The following OGFR variants were observed in gnomAD, a reference collection of about 807,000 sequenced individuals.
OGFR encodes the protein protein 7-60.
OGFR carries 18 observed loss-of-function variants against 33.6 expected under a neutral mutation model. The ratio of observed to expected loss-of-function variants is 0.54; its 90% CI spans 0.37 to 0.80. The LOEUF is 0.80. Ranked by LOEUF, OGFR falls within the 30% of genes least tolerant of loss-of-function variation. The pLI is 0.00. For synonymous variants in OGFR, 370 were observed against 400.7 expected (o/e 0.92, Z 0.91); for missense variants, 877 against 955.8 (o/e 0.92, Z 1.09).
rs1990637767 is a variant in OGFR, at chr20:62,808,089, C to T, written c.241-158C>T. On this transcript the variant is annotated intron_variant, in intron 2 of 6. Transcript: ENST00000290291. ...GGGGCTTGGAGGCAGCTGCTGTCCT[C>T]TGAATGGCCCCCACCTGCAGAGTGA... is the stretch of plus-strand genomic sequence containing the variant. 4.2e-6 allele frequency: 3 copies of T among 716,124 alleles called. No individual in the cohort carries two copies. The Admixed American group carries it at 6.0e-5, about 14-fold the overall frequency. The allele number at this position is 716,124 out of a possible 1,614,324, so 44.4% of individuals were successfully genotyped here.
chr20:62,805,004 C>T lies in OGFR; in HGVS notation c.145C>T (p.Arg49Trp). The T allele has an allele frequency of 6.9e-7, 1 of 1,458,620 alleles. No homozygotes were observed. The highest frequency in any genetic ancestry group is 1.3e-5 in the South Asian group (1 of 74,192). 90.4% of individuals were successfully genotyped at this position (1,458,620 alleles called of 1,614,324 possible). The stretch of plus-strand genomic sequence containing the variant: ...CGAGGACGAGGAGTCGGAGGAGCCG[C>T]GGGCGGCGCGGCCCAGCTCGTTCCA... ...GDEDEESEEP[R>W]AARPSSFQSR... Residue 49 changes from arginine (R) to tryptophan (W), a missense_variant, in exon 1 of 7, where the codon CGG becomes TGG. This residue lies in a region of OGFR where 760 missense variants were observed against 736.0 expected (regional missense o/e 1.03). Transcript: ENST00000290291.
intron 1 of OGFR, chr20:62,806,529 G>C (rs563256840): frequency 6.6e-6 from 1 of 151,582 alleles, no homozygotes; most frequent in East Asian, 1.9e-4. Flanking sequence ...AGTGGAGATT[G>C]CCTGGGAGGT....
At position 62,812,601 on chromosome 20, in the gene OGFR, C is replaced by G. The variant is rs779474692; in HGVS notation, c.986C>G (p.Thr329Ser). Residue 329 changes from threonine to serine, a missense_variant, in exon 7 of 7, where the codon ACC becomes AGC. Transcript: ENST00000290291. ...CACGAGGCCAGCACCCAGGGTCGGA[C>G]CTGTGGGCCAGAGCATAGCAAGGGT... Reference protein sequence around the residue: ...PDHEASTQGRTCGPEHSKGGG... With the variant: ...PDHEASTQGRSCGPEHSKGGG... 6.4e-7 allele frequency: 1 copy of G among 1,566,160 alleles called. No individual in the cohort carries two copies. The highest frequency in any genetic ancestry group is 1.2e-5 in the South Asian group (1 of 85,748).
chr20:62,808,392 C>A, intron 3 of OGFR, 67 bp downstream of exon 3: 1 of 1,243,066 alleles, frequency 8.0e-7, no homozygotes, highest in Non-Finnish European at 1.2e-6. Flanking sequence ...GTCCACTGGG[C>A]CCTGGTTTGG....
intron 1 of OGFR, 114 bp downstream of exon 1, chr20:62,805,144 C>A: frequency 1.2e-6 from 1 of 822,954 alleles, no homozygotes; most frequent in Non-Finnish European, 1.6e-6. Flanking sequence ...CTGGAGCTCC[C>A]GCAGCCCCGG....
intron 4 of OGFR, among the ~76,000 whole-genome samples, chr20:62,810,105 C>T (rs1990689946): frequency 1.3e-5 from 2 of 152,168 alleles, no homozygotes; most frequent in Admixed American, 6.5e-5. Context: ...GCATGCCCTG[C>T]TTTGGGGACA....
In OGFR at chr20:62,808,239, C is replaced by G; in HGVS notation, c.241-8C>G. ...GATCCCTGCTGTCCCCTTTCTCTGG[C>G]TCTTCAGGATCTGGTGGAACGAGAC... On this transcript the variant is annotated splice_region_variant and splice_polypyrimidine_tract_variant and intron_variant, in intron 2 of 6. Coordinates refer to ENST00000290291, the MANE Select transcript of OGFR (RefSeq NM_007346.4). The G allele has an allele frequency of 6.2e-7, 1 of 1,610,200 alleles. No homozygotes were observed. The highest frequency in any genetic ancestry group is 8.5e-7 in the Non-Finnish European group (1 of 1,176,952).
chr20:62,812,907 T>C lies in OGFR; in HGVS notation c.1292T>C (p.Val431Ala). 6.2e-7 allele frequency: 1 copy of C among 1,612,220 alleles called. No homozygotes were observed. The highest frequency in any genetic ancestry group is 8.5e-7 in the Non-Finnish European group (1 of 1,179,840). Residue 431 changes from valine to alanine, a missense_variant, in exon 7 of 7, where the codon GTG becomes GCG. By Grantham distance (64) the Val-to-Ala change is moderately conservative. Around this residue, in one of 3 missense-constraint regions of OGFR, gnomAD observed 760 missense variants for 736.0 expected, o/e 1.03. Transcript: ENST00000290291. ...AGCCTCAGGACGGGGACCCAGGAAG[T>C]GGGCGGTCAGGACCCTGGGGAGGCA... Reference protein sequence around the residue: ...QGSLRTGTQEVGGQDPGEAVQ... With the variant: ...QGSLRTGTQEAGGQDPGEAVQ...
chr20:62,804,891 A>AGGAGGACGAGGAGGATGCGGAGGACGC lies in OGFR; in HGVS notation c.45_71dup (p.Glu15_Glu23dup). On this transcript the variant is annotated inframe_insertion, in exon 1 of 7. Coordinates refer to ENST00000290291, the MANE Select transcript of OGFR (RefSeq NM_007346.4). Reference sequence around the variant, plus strand: ...GACCCCGACTGCGACTCCACCTGGGAGGAGGACGAGGAGGATGCGGAGGAC... The same window carrying AGGAGGACGAGGAGGATGCGGAGGACGC: ...GACCCCGACTGCGACTCCACCTGGGAGGAGGACGAGGAGGATGCGGAGGACGCGGAGGACGAGGAGGATGCGGAGGAC... 2 of 1,479,014 alleles carry AGGAGGACGAGGAGGATGCGGAGGACGC rather than the reference A, an allele frequency of 1.4e-6. No individual in the cohort carries two copies. The highest frequency in any genetic ancestry group is 1.3e-5 in the South Asian group (1 of 78,834). The allele number at this position is 1,479,014 out of a possible 1,614,324, so 91.6% of individuals were successfully genotyped here. A position where few individuals can be genotyped will look rare whatever the true frequency, so the allele number is the denominator to read the frequency against.
chr20:62,812,549 G>A lies in OGFR; in HGVS notation c.934G>A (p.Glu312Lys), dbSNP rs775000313. ...HPLEGSRKVE[E>K]EGSPGDPDHE... is the part of the protein sequence containing the mutation. ...GCTCGAGGGCTCCAGGAAGGTGGAG[G>A]AGGAAGGAAGCCCCGGGGACCCCGA... Residue 312 changes from glutamate to lysine, a missense_variant, in exon 7 of 7, where the codon GAG becomes AAG. Physicochemically the swap from Glu to Lys is moderately conservative, Grantham distance 56. This residue lies in a region of OGFR where 760 missense variants were observed against 736.0 expected (regional missense o/e 1.03). Transcript: ENST00000290291. The A allele has an allele frequency of 8.8e-6, 14 of 1,584,932 alleles. No individual in the cohort carries two copies. Among genetic ancestry groups the A allele is most frequent in the East Asian group, 6.9e-5 (3 of 43,508 alleles).
At chr20:62,810,173 C>T (rs1023984239) in intron 4 of OGFR, among the ~76,000 whole-genome samples, 2 of 146,142 alleles carry the variant, frequency 1.4e-5, no homozygotes, top group Admixed American at 1.3e-4. Flanking sequence ...TGAGTGACAA[C>T]ACAAGAGAGG....
In OGFR at chr20:62,809,632, C is replaced by T. The variant is rs201900354; in HGVS notation, c.367C>T (p.Leu123Phe). 9 of 1,611,282 alleles carry T rather than the reference C, an allele frequency of 5.6e-6. No homozygotes were observed. The highest frequency in any genetic ancestry group is 2.2e-5 in the South Asian group (2 of 91,064). The change falls in exon 4 of 7, where the codon CTC becomes TTC. Residue 123 changes from leucine (L) to phenylalanine (F), a missense_variant. This residue lies in a region of OGFR where 760 missense variants were observed against 736.0 expected (regional missense o/e 1.03). Coordinates refer to ENST00000290291, the MANE Select transcript of OGFR (RefSeq NM_007346.4). The stretch of plus-strand genomic sequence containing the variant: ...TCAGAACTGGACGGACAACTATGAC[C>T]TCCTTGAGGACAATCACTCCTACAT... ...ILQNWTDNYD[L>F]LEDNHSYIQW...
chr20:62,808,003 G>A (rs1404146992), intron 2 of OGFR: 4 of 611,212 alleles, frequency 6.5e-6, no homozygotes, highest in Non-Finnish European at 8.8e-6. Flanking sequence ...TGCCTTCAGG[G>A]TGCTGAGGAG....
chr20:62,807,496 G>T, intron 1 of OGFR, 41 bp from the exon 2 acceptor site: 3 of 1,589,756 alleles, frequency 1.9e-6, no homozygotes, highest in Non-Finnish European at 2.6e-6. Context: ...TCACTTGGGG[G>T]TCTCCCATGG....
Position 62,804,981 on chromosome 20 carries a change from A to C in OGFR, c.122A>C (p.Glu41Ala). The C allele has an allele frequency of 6.7e-7, 1 of 1,483,130 alleles. No individual in the cohort carries two copies. Among genetic ancestry groups the C allele is most frequent in the South Asian group, 1.3e-5 (1 of 78,176 alleles). 91.9% of individuals were successfully genotyped at this position (1,483,130 alleles called of 1,614,324 possible). A position where few individuals can be genotyped will look rare whatever the true frequency, so the allele number is the denominator to read the frequency against. Residue 41 changes from glutamate (E) to alanine (A), a missense_variant, in exon 1 of 7, where the codon GAG becomes GCG. By Grantham distance (107) the Glu-to-Ala change is moderately radical. Transcript: ENST00000290291. The stretch of plus-strand genomic sequence containing the variant: ...GCGAGGGACGCGGACGCAGGGGACG[A>C]GGACGAGGAGTCGGAGGAGCCGCGG... The part of the protein sequence containing the change: ...AGARDADAGD[E>A]DEESEEPRAA...
In OGFR at chr20:62,811,710, C is replaced by T. The variant is rs1470539509; in HGVS notation, c.614+100C>T. 5.2e-6 allele frequency: 7 copies of T among 1,355,192 alleles called. No individual in the cohort carries two copies. The African/African-American group carries it at 7.3e-5, about 14-fold the overall frequency. 83.9% of individuals were successfully genotyped at this position (1,355,192 alleles called of 1,614,324 possible). Reference sequence around the variant, plus strand: ...GAGCGCTGCTGCAGACGGAGAACTCCAGGGCTGTTTGGGCAATGGACCAAG... The same window carrying T: ...GAGCGCTGCTGCAGACGGAGAACTCTAGGGCTGTTTGGGCAATGGACCAAG... On this transcript the variant is annotated intron_variant, in intron 6 of 6. Transcript: ENST00000290291.
chr20:62,807,883 G>T, intron 2 of OGFR: 1 of 600,126 alleles, frequency 1.7e-6, no homozygotes, highest in African/African-American at 1.9e-5. Context: ...CACACGTGTG[G>T]GGTCCGTGAT....
At chr20:62,810,017 G>A (rs1280151656) in intron 4 of OGFR, among the ~76,000 whole-genome samples, 2 of 152,236 alleles carry the variant, frequency 1.3e-5, no homozygotes, top group Admixed American at 1.3e-4. Flanking sequence ...GGACTCAGCT[G>A]GGGCAGGGTC....
At chr20:62,810,478 T>C (rs1448618673) in intron 4 of OGFR, 21 bp from the exon 5 acceptor site, 16 of 1,612,536 alleles carry the variant, frequency 9.9e-6, no homozygotes, top group Non-Finnish European at 1.4e-5. Context: ...ATCCCTTGCC[T>C]GAGCATCTCT....
Sources: gnomAD v4.1 joint callset for allele counts (sites outside exome capture counted in the v4.1 genomes callset) on GRCh38, gnomAD v4.1.1 for gene constraint, gnomAD v4.1.1 regional missense constraint, MANE v1.5 for transcripts, NCBI Gene and HGNC (gene_info 2026-07-23, HGNC 2026-07-21) for gene names.